SNTG1: variants seen among roughly 807,000 people sequenced by gnomAD.
SNTG1 encodes the protein gamma-1-syntrophin.
SNTG1 carries 39 observed loss-of-function variants against 74.7 expected under a neutral mutation model. The ratio of observed to expected loss-of-function variants is 0.52; its 90% confidence interval spans 0.40 to 0.68. The LOEUF is 0.68. Ranked by LOEUF, SNTG1 falls within the 30% of genes least tolerant of loss-of-function variation. The probability of loss-of-function intolerance (pLI) is 0.00; values close to 1 mark genes in which losing one functional copy is unlikely to be tolerated. For missense variants in SNTG1, 685 were observed against 609.5 expected (o/e 1.12, Z -1.30); for synonymous variants, 254 against 217.1 (o/e 1.17, Z -1.49).
intron 2 of SNTG1, among the ~76,000 whole-genome samples, chr8:50,323,829 C>G (rs903140022): frequency 7.1e-6 from 1 of 140,872 alleles, no homozygotes; most frequent in Admixed American, 7.5e-5. Flanking sequence ...GAGATGCTAT[C>G]TGGGAGCCAG....
chr8:50,783,275 G>A (rs567665687), intron 18 of SNTG1, among the ~76,000 whole-genome samples: 26 of 152,288 alleles, frequency 1.7e-4, no homozygotes, highest in African/African-American at 5.8e-4. Context: ...CTGTCTTTTT[G>A]TTTGTCTGTG....
intron 12 of SNTG1, among the ~76,000 whole-genome samples, chr8:50,556,917 T>C (rs994895515): frequency 2.6e-5 from 4 of 152,116 alleles, no homozygotes; most frequent in African/African-American, 9.7e-5. Context: ...AATCACATGC[T>C]GAGGACTCAG....
intron 1 of SNTG1, among the ~76,000 whole-genome samples, chr8:50,002,950 A>T (rs1814882751): frequency 6.6e-6 from 1 of 152,210 alleles, no homozygotes; most frequent in Admixed American, 6.5e-5. Flanking sequence ...GCTACAACAT[A>T]GAAATGAACT....
chr8:50,789,166 A>G (rs1299184444), intron 18 of SNTG1, among the ~76,000 whole-genome samples: 3 of 151,446 alleles, frequency 2.0e-5, no homozygotes, highest in Non-Finnish European at 2.9e-5. Context: ...AGCCATTCTT[A>G]TGAAGTTTTT....
At chr8:50,182,072 GATATC>G (rs1448655950) in intron 2 of SNTG1, among the ~76,000 whole-genome samples, 2 of 152,110 alleles carry the variant, frequency 1.3e-5, no homozygotes, top group East Asian at 3.9e-4. Context: ...AGCAAGTGGT[GATATC>G]ATATTAAGAA....
At chr8:50,208,362 A>G (rs1436312274) in intron 2 of SNTG1, among the ~76,000 whole-genome samples, 1 of 152,102 alleles carries the variant, frequency 6.6e-6, no homozygotes, top group Non-Finnish European at 1.5e-5. Flanking sequence ...AGTCTGTTTT[A>G]TCAGAGACTG....
chr8:50,438,453 A>C, intron 4 of SNTG1, 90 bp from the exon 5 acceptor site: 1 of 1,062,444 alleles, frequency 9.4e-7, no homozygotes, highest in Non-Finnish European at 1.4e-6. Context: ...CAAAAGCAAA[A>C]CCCAGAAGAA....
At chr8:50,604,422 G>T (rs374240854) in intron 13 of SNTG1, among the ~76,000 whole-genome samples, 3 of 146,078 alleles carry the variant, frequency 2.1e-5, no homozygotes, top group Admixed American at 6.7e-5. Context: ...TTTCAAAAAA[G>T]AAAGAAAAAA....
intron 2 of SNTG1, among the ~76,000 whole-genome samples, chr8:50,283,909 G>A (rs567402044): frequency 1.1e-4 from 16 of 152,142 alleles, no homozygotes; most frequent in African/African-American, 2.4e-4. Context: ...ACACAGTATC[G>A]TTTATGATTA....
At chr8:50,071,638 C>A (rs918080378) in intron 1 of SNTG1, among the ~76,000 whole-genome samples, 69 of 151,930 alleles carry the variant, frequency 4.5e-4, no homozygotes, top group African/African-American at 1.5e-3. Context: ...ACCACCATGC[C>A]CAGCTAATTT....
At chr8:50,149,978 C>T (rs1331315595) in intron 1 of SNTG1, among the ~76,000 whole-genome samples, 1 of 152,160 alleles carries the variant, frequency 6.6e-6, no homozygotes, top group East Asian at 1.9e-4. Flanking sequence ...TATAAATTAC[C>T]TTGGGCAGTA....
intron 1 of SNTG1, among the ~76,000 whole-genome samples, chr8:50,079,851 T>C (rs1341606832): frequency 6.6e-6 from 1 of 152,208 alleles, no homozygotes; most frequent in East Asian, 1.9e-4. Flanking sequence ...GAAGATCAGA[T>C]GGTTGTAGAT....
intron 12 of SNTG1, among the ~76,000 whole-genome samples, chr8:50,571,108 G>T (rs1563592248): frequency 6.6e-6 from 1 of 152,106 alleles, no homozygotes; most frequent in African/African-American, 2.4e-5. Context: ...CTGCCTGCCT[G>T]CCCCCATGCC....
chr8:50,745,878 A>C (rs1464289483), intron 17 of SNTG1, among the ~76,000 whole-genome samples: 5 of 151,948 alleles, frequency 3.3e-5, no homozygotes, highest in Admixed American at 3.3e-4. Flanking sequence ...GGGAAAGATA[A>C]GTGAAGACAT....
chr8:50,622,313 T>C (rs1439160462), intron 13 of SNTG1, among the ~76,000 whole-genome samples: 1 of 152,202 alleles, frequency 6.6e-6, no homozygotes, highest in Non-Finnish European at 1.5e-5. Context: ...TAGTGTTCCA[T>C]AAATGATGCT....
intron 15 of SNTG1, among the ~76,000 whole-genome samples, chr8:50,701,496 C>A (rs2095423348): frequency 6.6e-6 from 1 of 152,138 alleles, no homozygotes; most frequent in Non-Finnish European, 1.5e-5. Context: ...CTTTGATATT[C>A]TACTCGTTTT....
At chr8:50,275,859 A>G (rs1206007825) in intron 2 of SNTG1, among the ~76,000 whole-genome samples, 1 of 152,000 alleles carries the variant, frequency 6.6e-6, no homozygotes, top group African/African-American at 2.4e-5. Flanking sequence ...CCCCATGACC[A>G]CCATTCTTAC....
chr8:50,278,101 A>T (rs759168019), intron 2 of SNTG1, among the ~76,000 whole-genome samples: 1 of 152,156 alleles, frequency 6.6e-6, no homozygotes, highest in Non-Finnish European at 1.5e-5. Flanking sequence ...TGAACCCAGG[A>T]GGCAGAGGTT....
intron 2 of SNTG1, among the ~76,000 whole-genome samples, chr8:50,296,849 A>G (rs1333416918): frequency 6.6e-6 from 1 of 152,236 alleles, no homozygotes; most frequent in African/African-American, 2.4e-5. Context: ...TTCCATGGGC[A>G]TTACATCACA....
Sources: allele counts gnomAD v4.1 joint callset (sites outside exome capture counted in the v4.1 genomes callset), GRCh38; gene constraint gnomAD v4.1.1; transcripts MANE v1.5; gene names NCBI Gene and HGNC (gene_info 2026-07-23, HGNC 2026-07-21).